Variants in PPIP5K2 observed in about 807,000 individuals in gnomAD.
PPIP5K2 encodes the protein inositol hexakisphosphate and diphosphoinositol-pentakisphosphate kinase 2.
PPIP5K2 carries 105 observed loss-of-function variants against 154.6 expected under a neutral mutation model. That is an observed-to-expected ratio of 0.68 (90% CI 0.58 to 0.80). The LOEUF (loss-of-function observed/expected upper bound fraction) is 0.80, where lower values mean the gene tolerates loss of function less well. PPIP5K2 is among the 30% of genes least tolerant of loss of function. PPIP5K2 has a pLI of 0.00. For synonymous variants in PPIP5K2, 480 were observed against 490.3 expected (o/e 0.98, Z 0.28); for missense variants, 992 against 1,504.6 (o/e 0.66, Z 5.64).
Position 103,205,023 on chromosome 5 carries a change from A to G in PPIP5K2, c.*3389A>G, listed in dbSNP as rs538639745. 2 of 151,670 alleles carry G rather than the reference A, an allele frequency of 1.3e-5. No homozygotes were observed. The highest frequency in any genetic ancestry group is 4.8e-5 in the African/African-American group (2 of 41,304). 9.4% of individuals were successfully genotyped at this position (151,670 alleles called of 1,614,324 possible). On this transcript the variant is annotated 3_prime_UTR_variant, in exon 31 of 31. Transcript: ENST00000358359. ...CTCCCCCAGCCCCCCACCCACTGAC[A>G]GGCCCAGTGTGTGATGTTCCCCGCC...
In PPIP5K2 at chr5:103,170,786, T is replaced by C. The variant is rs543006222; in HGVS notation, c.2287-2369T>C. On this transcript the variant is annotated intron_variant, in intron 19 of 30. Transcript: ENST00000358359. The stretch of plus-strand genomic sequence containing the variant: ...CAATCACCAAAAATATAACTAACAA[T>C]TATAAACATATTTGCAGTAATTTAT... 6.7e-4 allele frequency among the ~76,000 whole-genome samples: 102 copies of C among 151,626 alleles called. No homozygotes were observed. The Middle Eastern group carries it at 0.02, about 30-fold the overall frequency.
intron 27 of PPIP5K2, 131 bp downstream of exon 27, chr5:103,186,570 C>CT (rs1800419950): frequency 7.9e-7 from 1 of 1,258,800 alleles, no homozygotes; most frequent in East Asian, 2.3e-5. Flanking sequence ...GCCTAAATGA[C>CT]TATCAGTGCT....
At chr5:103,190,765 A>G (rs1040335580) in intron 28 of PPIP5K2, 77 bp from the exon 29 acceptor site, 1 of 1,337,492 alleles carries the variant, frequency 7.5e-7, no homozygotes, top group Admixed American at 2.6e-5. Context: ...AGTTCTAAGC[A>G]GTAGTCTTCC....
At chr5:103,178,408 A>T (rs1799032515) in intron 23 of PPIP5K2, among the ~76,000 whole-genome samples, 1 of 151,670 alleles carries the variant, frequency 6.6e-6, no homozygotes, top group South Asian at 2.1e-4. Context: ...CTGTATTTTG[A>T]TTGGTTGGTT....
At chr5:103,139,173 T>G (rs1792103579) in intron 5 of PPIP5K2, among the ~76,000 whole-genome samples, 2 of 152,234 alleles carry the variant, frequency 1.3e-5, no homozygotes, top group Non-Finnish European at 2.9e-5. Context: ...CCTAACTTAG[T>G]CACAAGGCAA....
intron 29 of PPIP5K2, among the ~76,000 whole-genome samples, chr5:103,194,338 G>T (rs1801719605): frequency 6.6e-6 from 1 of 152,090 alleles, no homozygotes; most frequent in African/African-American, 2.4e-5. Context: ...ATTTTCAATA[G>T]AAATGAGGCC....
At chr5:103,180,738 T>C (rs1554222506) in intron 24 of PPIP5K2, among the ~76,000 whole-genome samples, 1 of 151,164 alleles carries the variant, frequency 6.6e-6, no homozygotes, top group Non-Finnish European at 1.5e-5. Context: ...TAGTCCCAGC[T>C]ACTCAGGAGG....
At chr5:103,193,899 T>G (rs782691318) in intron 29 of PPIP5K2, among the ~76,000 whole-genome samples, 6 of 152,170 alleles carry the variant, frequency 3.9e-5, no homozygotes, top group Non-Finnish European at 8.8e-5. Context: ...ACTTAAGAAT[T>G]ATCCCTACTT....
chr5:103,174,208 A>G (rs1433274925), intron 21 of PPIP5K2: 3 of 345,730 alleles, frequency 8.7e-6, no homozygotes, highest in Non-Finnish European at 1.6e-5. Flanking sequence ...AGGTGATTTT[A>G]TAGACTGGTG....
intron 17 of PPIP5K2, 145 bp downstream of exon 17, chr5:103,159,473 A>G: frequency 1.3e-6 from 1 of 751,372 alleles, no homozygotes; most frequent in South Asian, 3.6e-5. Flanking sequence ...AGAACATTGG[A>G]ACAACTTTGG....
chr5:103,180,312 A>G, intron 24 of PPIP5K2, 124 bp downstream of exon 24: 2 of 723,564 alleles, frequency 2.8e-6, no homozygotes, highest in Non-Finnish European at 3.9e-6. Flanking sequence ...AATGTTATTT[A>G]ATCTATTTTT....
chr5:103,162,282 T>C (rs534625922), intron 17 of PPIP5K2, among the ~76,000 whole-genome samples: 2 of 152,260 alleles, frequency 1.3e-5, no homozygotes, highest in African/African-American at 4.8e-5. Context: ...ATGAGTTCTT[T>C]GTTACATGTA....
intron 1 of PPIP5K2, among the ~76,000 whole-genome samples, chr5:103,127,594 C>G (rs1399171266): frequency 6.6e-6 from 1 of 152,168 alleles, no homozygotes; most frequent in Non-Finnish European, 1.5e-5. Context: ...GTTTGGTTTA[C>G]AGGAGTGTTC....
chr5:103,163,232 A>T (rs1293677500), intron 17 of PPIP5K2, among the ~76,000 whole-genome samples: 1 of 151,664 alleles, frequency 6.6e-6, no homozygotes, highest in Non-Finnish European at 1.5e-5. Flanking sequence ...CAATCTGTGA[A>T]TGTAGTGTAG....
intron 3 of PPIP5K2, 82 bp from the exon 4 acceptor site, chr5:103,136,650 G>A: frequency 1.0e-6 from 1 of 997,740 alleles, no homozygotes; most frequent in South Asian, 1.3e-5. Context: ...TCTTTTATGG[G>A]AGGTGGCATC....
At chr5:103,143,058 T>G (rs1401630641) in intron 5 of PPIP5K2, among the ~76,000 whole-genome samples, 1 of 152,220 alleles carries the variant, frequency 6.6e-6, no homozygotes, top group Non-Finnish European at 1.5e-5. Flanking sequence ...TTATTTTCTT[T>G]GTAATCAGAG....
In PPIP5K2 at chr5:103,149,248, AG is replaced by A; in HGVS notation, c.842del (p.Arg281AsnfsTer12). 2 of 1,614,040 alleles carry A rather than the reference AG, an allele frequency of 1.2e-6. No individual in the cohort carries two copies. The highest frequency in any genetic ancestry group is 1.7e-6 in the Non-Finnish European group (2 of 1,179,940). The part of the protein sequence containing the change: ...VERDSEGKEV[R>X]YPVILNAREK... ...ACGAGACAGTGAAGGAAAAGAAGTA[AG>A]ATACCCTGTTATTCTCAATGCACGA... On this transcript the variant is annotated frameshift_variant, in exon 8 of 31. Transcript: ENST00000358359. LOFTEE classifies it high-confidence loss of function.
chr5:103,195,880 T>A (rs959879068), intron 30 of PPIP5K2, among the ~76,000 whole-genome samples: 2 of 152,192 alleles, frequency 1.3e-5, no homozygotes, highest in African/African-American at 4.8e-5. Flanking sequence ...TGCTTAACAG[T>A]CAGAGAAACC....
chr5:103,161,504 T>A (rs572268755), intron 17 of PPIP5K2, among the ~76,000 whole-genome samples: 1,902 of 152,314 alleles, frequency 0.012, 36 homozygotes, highest in African/African-American at 0.044. Flanking sequence ...CAAATGGTAT[T>A]TCTAGTTCTA....
Sources: gnomAD v4.1 joint callset for allele counts (sites outside exome capture counted in the v4.1 genomes callset) on GRCh38, gnomAD v4.1.1 for gene constraint, MANE v1.5 for transcripts, NCBI Gene and HGNC (gene_info 2026-07-23, HGNC 2026-07-21) for gene names.